Variants in SATB2 observed in about 807,000 individuals in gnomAD.
The protein encoded by SATB2 is SATB homeobox 2.
A neutral mutation model predicts 73.4 loss-of-function variants in SATB2; 1 was observed. That is an observed-to-expected ratio of 0.01 (90% CI 0.00 to 0.06). The LOEUF is 0.06. SATB2 is among the 10% of genes least tolerant of loss of function. The pLI, the probability that SATB2 is intolerant of heterozygous loss-of-function variation, is 1.00. For missense variants in SATB2, 459 were observed against 945.8 expected, an observed-to-expected ratio of 0.49 and a Z score of 6.75; for synonymous variants, 397 against 367.0, an observed-to-expected ratio of 1.08 and a Z score of -0.93.
chr2:199,366,812 T>TAA (rs36110374), intron 6 of SATB2, among the ~76,000 whole-genome samples: 5 of 140,832 alleles, frequency 3.6e-5, no homozygotes, highest in Non-Finnish European at 6.1e-5. Context: ...TTACTATCTT[T>TAA]AAAAAAAAAA....
intron 9 of SATB2, among the ~76,000 whole-genome samples, chr2:199,312,594 G>C (rs1687625206): frequency 6.6e-6 from 1 of 152,134 alleles, no homozygotes; most frequent in Non-Finnish European, 1.5e-5. Flanking sequence ...ACTGTAAAAG[G>C]ACGGGTTAAC....
At chr2:199,433,304 G>A in intron 3 of SATB2, 34 bp downstream of exon 3, 1 of 1,597,128 alleles carries the variant, frequency 6.3e-7, no homozygotes, top group South Asian at 1.1e-5. Flanking sequence ...TGACACACAA[G>A]AGACTTGGGA....
At chr2:199,432,394 T>G (rs1200578148) in intron 3 of SATB2, among the ~76,000 whole-genome samples, 3 of 152,220 alleles carry the variant, frequency 2.0e-5, no homozygotes, top group Non-Finnish European at 4.4e-5. Flanking sequence ...TTGGTACAAA[T>G]GAGGCTCTGA....
intron 3 of SATB2, among the ~76,000 whole-genome samples, chr2:199,409,912 T>C (rs1218414113): frequency 6.6e-6 from 1 of 152,144 alleles, no homozygotes; most frequent in Non-Finnish European, 1.5e-5. Flanking sequence ...CTGGATTTAA[T>C]TACAAATCAA....
chr2:199,434,543 G>C (rs918089742), intron 2 of SATB2, among the ~76,000 whole-genome samples: 4 of 152,100 alleles, frequency 2.6e-5, no homozygotes, highest in Non-Finnish European at 5.9e-5. Flanking sequence ...AATAAACATG[G>C]ACCCTGCCTA....
intron 3 of SATB2, among the ~76,000 whole-genome samples, chr2:199,433,097 CA>C (rs1466693911): frequency 1.3e-5 from 2 of 151,898 alleles, no homozygotes; most frequent in Non-Finnish European, 2.9e-5. Context: ...GTTATAAATG[CA>C]AAAAAATCTA....
intron 10 of SATB2, among the ~76,000 whole-genome samples, chr2:199,277,232 T>A (rs1252342504): frequency 1.3e-5 from 2 of 152,186 alleles, no homozygotes; most frequent in Non-Finnish European, 2.9e-5. Context: ...TTGCAAATAT[T>A]CTCTATATTG....
chr2:199,318,521 C>T (rs748928700), intron 9 of SATB2, among the ~76,000 whole-genome samples: 23 of 151,982 alleles, frequency 1.5e-4, no homozygotes, highest in Non-Finnish European at 3.1e-4. Context: ...TCAATTAGGA[C>T]ATAAACATAC....
At position 199,463,677 on chromosome 2, in the gene SATB2, G is replaced by T. The variant is rs879476952; in HGVS notation, c.-141+1159C>A. 7.9e-5 allele frequency among the ~76,000 whole-genome samples: 12 copies of T among 152,204 alleles called. No homozygotes were observed. The highest frequency in any genetic ancestry group is 1.3e-4 in the Non-Finnish European group (9 of 68,020). ...TCCACGGGTTAAGGATGTGGCGGGG[G>T]ATGGGCAGGTCCCTGGCCCAGGGTA... On this transcript the variant is annotated intron_variant, in intron 1 of 11. Transcript: ENST00000260926. This position sits in a 1 kb window ranked among gnomAD's most constrained non-coding sequence, Gnocchi z 6.4.
intron 7 of SATB2, among the ~76,000 whole-genome samples, chr2:199,340,071 A>G (rs1175868594): frequency 6.6e-6 from 1 of 152,224 alleles, no homozygotes; most frequent in South Asian, 2.1e-4. Context: ...ATGAATGTTT[A>G]TATTTTAGCA....
intron 6 of SATB2, among the ~76,000 whole-genome samples, chr2:199,368,390 C>G (rs1689349744): frequency 6.6e-6 from 1 of 152,108 alleles, no homozygotes; most frequent in African/African-American, 2.4e-5. Flanking sequence ...AAACTATAAA[C>G]TTAACATATG....
At chr2:199,316,630 A>G (rs1381984549) in intron 9 of SATB2, among the ~76,000 whole-genome samples, 1 of 152,056 alleles carries the variant, frequency 6.6e-6, no homozygotes, top group Non-Finnish European at 1.5e-5. Flanking sequence ...AGAGTAATGA[A>G]AATTTTATTT....
intron 8 of SATB2, among the ~76,000 whole-genome samples, chr2:199,324,630 A>C (rs1436998431): frequency 6.6e-6 from 1 of 152,148 alleles, no homozygotes; most frequent in Admixed American, 6.5e-5. Context: ...TGCTCGTTTT[A>C]ATTGAATGAT....
In SATB2 at chr2:199,383,395, C is replaced by T. The variant is rs1273394561; in HGVS notation, c.347-1575G>A. Among the ~76,000 whole-genome samples the T allele has an allele frequency of 6.6e-5, 10 of 152,312 alleles. No individual in the cohort carries two copies. In the South Asian group the frequency reaches 1.2e-3, roughly 19 times the overall value. On this transcript the variant is annotated intron_variant, in intron 3 of 10. Transcript: ENST00000417098. ...GACAGCCACCCACGAGAGAGTGGGT[C>T]TGCTTCCTTGCTTCTTTTACTCCTG... is the stretch of plus-strand genomic sequence containing the variant.
At chr2:199,448,869 G>T (rs986860622) in intron 2 of SATB2, among the ~76,000 whole-genome samples, 1 of 151,948 alleles carries the variant, frequency 6.6e-6, no homozygotes, top group Admixed American at 6.6e-5. Flanking sequence ...CCAATGATAC[G>T]GCTACTAGGT....
chr2:199,319,951 G>A (rs1687840175), intron 9 of SATB2, among the ~76,000 whole-genome samples: 1 of 152,040 alleles, frequency 6.6e-6, no homozygotes, highest in Non-Finnish European at 1.5e-5. Context: ...TCCCCTGAGA[G>A]CCGCAGAAGA....
At chr2:199,376,397 C>T (rs1408277702) in intron 5 of SATB2, among the ~76,000 whole-genome samples, 3 of 152,126 alleles carry the variant, frequency 2.0e-5, no homozygotes, top group Non-Finnish European at 2.9e-5. Flanking sequence ...TCATTAAGCA[C>T]ATCAGAGAAT....
Position 199,328,920 on chromosome 2 carries a change from T to TG in SATB2, c.1174-11dup, listed in dbSNP as rs1688109064. 1 of 1,609,896 alleles carries TG rather than the reference T, an allele frequency of 6.2e-7. No individual in the cohort carries two copies. Among genetic ancestry groups the TG allele is most frequent in the Non-Finnish European group, 8.5e-7 (1 of 1,176,528 alleles). On this transcript the variant is annotated splice_polypyrimidine_tract_variant and intron_variant, in intron 7 of 10. Transcript: ENST00000417098. ...TCTCAGACAACAATCCCTGATTAAA[T>TG]GGGGGAAAAAAACAGACCAAGTCAC...
intron 2 of SATB2, among the ~76,000 whole-genome samples, chr2:199,433,778 G>A (rs1691573659): frequency 6.6e-6 from 1 of 152,068 alleles, no homozygotes; most frequent in Admixed American, 6.6e-5. Context: ...ACATAGGTGA[G>A]ATGAAGGTGA....
Sources: gnomAD v4.1 joint callset for allele counts (sites outside exome capture counted in the v4.1 genomes callset) on GRCh38, gnomAD v4.1.1 for gene constraint, Gnocchi (gnomAD v3.1) non-coding constraint, MANE v1.5 for transcripts, NCBI Gene and HGNC (gene_info 2026-07-23, HGNC 2026-07-21) for gene names.